Variants in HAUS2 observed in about 807,000 individuals in gnomAD.
The protein encoded by HAUS2 is HAUS augmin-like complex subunit 2.
HAUS2 carries 20 observed loss-of-function variants against 21.6 expected under a neutral mutation model. The observed-to-expected ratio is 0.93, with a 90% CI of 0.65 to 1.35. The LOEUF is 1.35. Among genes scored for constraint, HAUS2 ranks in the 40% most tolerant of loss-of-function variants. HAUS2 has a pLI of 0.00. For missense variants in HAUS2, 297 were observed against 280.7 expected, an observed-to-expected ratio of 1.06 and a Z score of -0.42; for synonymous variants, 113 against 95.6, an observed-to-expected ratio of 1.18 and a Z score of -1.06.
chr15:42,557,511 T>C (rs571509313), intron 1 of HAUS2, among the ~76,000 whole-genome samples: 60 of 138,760 alleles, frequency 4.3e-4, no homozygotes, highest in Middle Eastern at 3.6e-3. Context: ...ATAATGTATA[T>C]ATTATATATA....
intron 1 of HAUS2, among the ~76,000 whole-genome samples, chr15:42,557,647 A>G (rs1017657259): frequency 7.3e-5 from 11 of 151,566 alleles, no homozygotes; most frequent in African/African-American, 2.4e-4. Context: ...ATGGAATGAA[A>G]GGATGAAAAA....
chr15:42,561,316 A>G lies in HAUS2; in HGVS notation c.303A>G (p.Ala101=). ...AAAGCATGAATAATCATTTGGAAGC[A>G]GTGCTGAAAGAGAAGAGATCCCTTA... ...TLQSMNNHLE[A]VLKEKRSLRQ... is the part of the protein sequence containing the mutation. Residue 101 remains alanine (A), a synonymous_variant, in exon 4 of 6, where the codon GCA becomes GCG. Coordinates refer to ENST00000260372, the MANE Select transcript of HAUS2 (RefSeq NM_018097.3). 3 of 1,566,440 alleles carry G rather than the reference A, an allele frequency of 1.9e-6. No individual in the cohort carries two copies. The highest frequency in any genetic ancestry group is 1.8e-6 in the Non-Finnish European group (2 of 1,136,610).
intron 5 of HAUS2, among the ~76,000 whole-genome samples, chr15:42,565,386 AAT>A (rs1491410022): frequency 5.2e-5 from 4 of 77,342 alleles, no homozygotes; most frequent in Non-Finnish European, 8.3e-5. Context: ...GGAGCCATTG[AAT>A]GTGTGTGTGT....
chr15:42,563,880 T>G (rs1014196646), intron 5 of HAUS2, 23 bp downstream of exon 5: 1 of 1,073,700 alleles, frequency 9.3e-7, no homozygotes, highest in Non-Finnish European at 1.4e-6. Flanking sequence ...ATAGCAATCT[T>G]CAGTTATTTT....
At chr15:42,557,278 T>C (rs2057788407) in intron 1 of HAUS2, among the ~76,000 whole-genome samples, 1 of 127,062 alleles carries the variant, frequency 7.9e-6, no homozygotes, top group African/African-American at 3.0e-5. Flanking sequence ...ATTGCACCAC[T>C]GCACTCCAAC....
chr15:42,555,758 TA>T (rs2057766413), intron 1 of HAUS2, among the ~76,000 whole-genome samples: 1 of 152,172 alleles, frequency 6.6e-6, no homozygotes, highest in Non-Finnish European at 1.5e-5. Flanking sequence ...TAAAATTGAT[TA>T]TTTTTGGACA....
chr15:42,560,728 A>G (rs1484816883), intron 3 of HAUS2: 1 of 693,864 alleles, frequency 1.4e-6, no homozygotes, highest in East Asian at 2.7e-5. Context: ...AGCTAGGACT[A>G]CTGGCATGTG....
intron 1 of HAUS2, among the ~76,000 whole-genome samples, chr15:42,549,765 C>CAA (rs58614126): frequency 0.016 from 918 of 57,840 alleles, 17 homozygotes; most frequent in Non-Finnish European, 0.02. Context: ...TCTTTAAAGG[C>CAA]AAAAAAAAAA....
At chr15:42,556,177 G>C (rs1437171873) in intron 1 of HAUS2, among the ~76,000 whole-genome samples, 3 of 148,298 alleles carry the variant, frequency 2.0e-5, no homozygotes, top group Non-Finnish European at 4.4e-5. Flanking sequence ...GGCCAGGCTG[G>C]TCTCAAACTC....
intron 1 of HAUS2, among the ~76,000 whole-genome samples, chr15:42,557,826 G>A (rs1027853449): frequency 6.6e-6 from 1 of 151,892 alleles, no homozygotes; most frequent in Admixed American, 6.6e-5. Context: ...TTTCAACCCC[G>A]GAAGCTCTGA....
intron 1 of HAUS2, among the ~76,000 whole-genome samples, chr15:42,556,069 C>T (rs999857549): frequency 6.6e-6 from 1 of 151,892 alleles, no homozygotes; most frequent in Admixed American, 6.6e-5. Context: ...GCCTCAGCCT[C>T]CCAAACTAGC....
At chr15:42,553,250 G>A (rs191148630) in intron 1 of HAUS2, among the ~76,000 whole-genome samples, 2 of 152,184 alleles carry the variant, frequency 1.3e-5, no homozygotes, top group African/African-American at 2.4e-5. Flanking sequence ...CTCCCAAAGT[G>A]CTGGGATTAC....
intron 5 of HAUS2, among the ~76,000 whole-genome samples, chr15:42,564,995 C>T (rs1566836034): frequency 6.6e-6 from 1 of 152,112 alleles, no homozygotes; most frequent in African/African-American, 2.4e-5. Flanking sequence ...ACCACCACAC[C>T]TGGCTAATAG....
chr15:42,551,106 G>T (rs999960580), intron 1 of HAUS2, among the ~76,000 whole-genome samples: 4 of 147,586 alleles, frequency 2.7e-5, no homozygotes, highest in Non-Finnish European at 5.9e-5. Context: ...ATCAATTCTC[G>T]TGCTCCCGAG....
At chr15:42,565,776 A>G (rs1398275042) in intron 5 of HAUS2, among the ~76,000 whole-genome samples, 3 of 152,202 alleles carry the variant, frequency 2.0e-5, no homozygotes, top group Non-Finnish European at 4.4e-5. Context: ...GGAATACAGA[A>G]GATAATTTTT....
intron 4 of HAUS2, among the ~76,000 whole-genome samples, chr15:42,563,112 C>CAA (rs1250346160): frequency 5.7e-5 from 6 of 104,480 alleles, no homozygotes; most frequent in Non-Finnish European, 8.2e-5. Flanking sequence ...GACTCTGTCT[C>CAA]AAAAAAAAAA....
rs1387417099 is a variant in HAUS2 at position 42,560,294 on chromosome 15, A to G, written c.256+886A>G. Among the ~76,000 whole-genome samples the G allele has an allele frequency of 3.3e-5, 5 of 152,130 alleles. No homozygotes were observed. The East Asian group carries it at 9.6e-4, about 29-fold the overall frequency. On this transcript the variant is annotated intron_variant, in intron 3 of 5. Coordinates refer to ENST00000260372, the MANE Select transcript of HAUS2 (RefSeq NM_018097.3). Reference sequence around the variant, plus strand: ...TAATGTGCTGTAGTTATATAGGAGAATGTTCCTCTTCTTGGGAAATACATG... The same window carrying G: ...TAATGTGCTGTAGTTATATAGGAGAGTGTTCCTCTTCTTGGGAAATACATG...
chr15:42,558,135 A>G, intron 1 of HAUS2, 63 bp from the exon 2 acceptor site: 1 of 730,196 alleles, frequency 1.4e-6, no homozygotes. Flanking sequence ...TGGGCATGCT[A>G]TTCCAATGTA....
intron 1 of HAUS2, among the ~76,000 whole-genome samples, chr15:42,553,148 G>A (rs927606434): frequency 6.6e-6 from 1 of 151,864 alleles, no homozygotes; most frequent in Non-Finnish European, 1.5e-5. Flanking sequence ...CACCACGCCC[G>A]GCTAATTTTT....
Sources: gnomAD v4.1 joint callset for allele counts (sites outside exome capture counted in the v4.1 genomes callset) on GRCh38, gnomAD v4.1.1 for gene constraint, MANE v1.5 for transcripts, NCBI Gene and HGNC (gene_info 2026-07-23, HGNC 2026-07-21) for gene names.